LINGO2: variants seen among roughly 807,000 people sequenced by gnomAD.
LINGO2 encodes the protein leucine-rich repeat and immunoglobulin-like domain-containing nogo receptor-interacting protein 2.
In LINGO2, 14 loss-of-function variants were observed where a neutral mutation model predicts 30.6. The ratio of observed to expected loss-of-function variants is 0.46; its 90% CI spans 0.30 to 0.72. The LOEUF (loss-of-function observed/expected upper bound fraction) is 0.72. LINGO2 is among the 30% of genes least tolerant of loss of function. The pLI is 0.07. For missense variants in LINGO2, 729 were observed against 751.7 expected (o/e 0.97, Z 0.35); for synonymous variants, 317 against 288.5 (o/e 1.10, Z -1.00).
chr9:29,089,467 AG>A, the LINGO2 span, among the ~76,000 whole-genome samples: 1 of 152,002 alleles, frequency 6.6e-6, no homozygotes, highest in South Asian at 2.1e-4. Flanking sequence ...ATAAACTAAA[AG>A]GCAGAACAAG....
chr9:28,437,958 G>T (rs1047486121), intron 2 of LINGO2, among the ~76,000 whole-genome samples: 25 of 152,072 alleles, frequency 1.6e-4, no homozygotes, highest in African/African-American at 4.8e-4. Flanking sequence ...CAAAGAAAAA[G>T]ACTTTTTTTC....
chr9:28,605,127 G>GA (rs971187498), intron 1 of LINGO2, among the ~76,000 whole-genome samples: 1 of 151,778 alleles, frequency 6.6e-6, no homozygotes, highest in Non-Finnish European at 1.5e-5. Context: ...TTTAAATTTA[G>GA]AAAAACTATA....
intron 1 of LINGO2, among the ~76,000 whole-genome samples, chr9:28,522,592 T>C (rs896666805): frequency 5.3e-5 from 8 of 152,214 alleles, no homozygotes; most frequent in African/African-American, 1.7e-4. Context: ...TATGGAAAAA[T>C]ACAACTTATA....
chr9:28,591,924 T>A (rs1272302366), intron 1 of LINGO2, among the ~76,000 whole-genome samples: 1 of 152,044 alleles, frequency 6.6e-6, no homozygotes, highest in East Asian at 1.9e-4. Context: ...GGCTTCACAA[T>A]GAGCTTCCTG....
intron 2 of LINGO2, among the ~76,000 whole-genome samples, chr9:28,401,453 A>G (rs1822262487): frequency 6.6e-6 from 1 of 152,212 alleles, no homozygotes; most frequent in African/African-American, 2.4e-5. Context: ...ATGTCCCTGC[A>G]AAGGACATGA....
chr9:29,172,032 A>G, the LINGO2 span, among the ~76,000 whole-genome samples: 2 of 151,924 alleles, frequency 1.3e-5, no homozygotes, highest in Non-Finnish European at 2.9e-5. Flanking sequence ...AAATTAATAA[A>G]ACAGTGTATA....
At chr9:28,944,338 C>G in the LINGO2 span, among the ~76,000 whole-genome samples, 2 of 141,688 alleles carry the variant, frequency 1.4e-5, no homozygotes, top group Non-Finnish European at 3.1e-5. Context: ...ACAAAGGGGG[C>G]TGGACATACC....
the LINGO2 span, among the ~76,000 whole-genome samples, chr9:28,815,997 T>A: frequency 6.6e-6 from 1 of 152,118 alleles, no homozygotes; most frequent in Non-Finnish European, 1.5e-5. Context: ...AGGAGCCCCA[T>A]CCAGTGGGAG....
chr9:28,043,745 C>T (rs555149438), intron 4 of LINGO2, among the ~76,000 whole-genome samples: 1 of 152,280 alleles, frequency 6.6e-6, no homozygotes, highest in Non-Finnish European at 1.5e-5. Context: ...CTCCACCTCA[C>T]ATTACATGGA....
At chr9:28,791,508 T>C in the LINGO2 span, among the ~76,000 whole-genome samples, 3 of 152,064 alleles carry the variant, frequency 2.0e-5, no homozygotes, top group Non-Finnish European at 4.4e-5. Context: ...AAAGCCATGG[T>C]TTTCTTTTAC....
chr9:28,159,658 G>A (rs1238754236), intron 4 of LINGO2, among the ~76,000 whole-genome samples: 1 of 151,958 alleles, frequency 6.6e-6, no homozygotes, highest in South Asian at 2.1e-4. Flanking sequence ...AAAGACTAGT[G>A]TAGAAATCCA....
the LINGO2 span, among the ~76,000 whole-genome samples, chr9:28,946,889 A>G: frequency 6.6e-6 from 1 of 152,110 alleles, no homozygotes; most frequent in Admixed American, 6.6e-5. Flanking sequence ...GACAGAGTAC[A>G]TATGTGGTTC....
the LINGO2 span, among the ~76,000 whole-genome samples, chr9:29,031,658 T>C: frequency 1.3e-5 from 2 of 152,180 alleles, no homozygotes; most frequent in Admixed American, 6.6e-5. Flanking sequence ...ATCCTAACTT[T>C]CTTTACGAAG....
At chr9:28,086,081 C>T (rs906180312) in intron 4 of LINGO2, among the ~76,000 whole-genome samples, 5 of 152,028 alleles carry the variant, frequency 3.3e-5, no homozygotes, top group Non-Finnish European at 5.9e-5. Context: ...GGACATATCC[C>T]ATATGCATTT....
the LINGO2 span, among the ~76,000 whole-genome samples, chr9:28,992,910 C>G: frequency 6.6e-6 from 1 of 151,648 alleles, no homozygotes; most frequent in Non-Finnish European, 1.5e-5. Flanking sequence ...CAAGAGTAAG[C>G]AGGAAAGATC....
chr9:28,856,146 A>G, the LINGO2 span, among the ~76,000 whole-genome samples: 1 of 151,948 alleles, frequency 6.6e-6, no homozygotes, highest in Non-Finnish European at 1.5e-5. Flanking sequence ...ATGAATAGGA[A>G]TAATTCTGTG....
intron 2 of LINGO2, among the ~76,000 whole-genome samples, chr9:28,424,640 A>C (rs1306809650): frequency 6.6e-6 from 1 of 152,154 alleles, no homozygotes; most frequent in Non-Finnish European, 1.5e-5. Context: ...ATGTAAGCCG[A>C]CGTCATTTAA....
intron 5 of LINGO2, among the ~76,000 whole-genome samples, chr9:27,990,289 A>G (rs1197438008): frequency 8.2e-6 from 1 of 121,566 alleles, no homozygotes; most frequent in African/African-American, 2.5e-5. Context: ...CTTTGCCACT[A>G]GTTTCTGACT....
chr9:29,028,294 T>C, the LINGO2 span, among the ~76,000 whole-genome samples: 76 of 152,124 alleles, frequency 5.0e-4, no homozygotes, highest in African/African-American at 1.8e-3. Flanking sequence ...ATAGAATATG[T>C]GTGGACAGAT....
Sources: gnomAD v4.1 joint callset for allele counts (sites outside exome capture counted in the v4.1 genomes callset) on GRCh38, gnomAD v4.1.1 for gene constraint, MANE v1.5 for transcripts, NCBI Gene and HGNC (gene_info 2026-07-23, HGNC 2026-07-21) for gene names.